Variants in SVOP observed in about 807,000 individuals in gnomAD.
SVOP encodes the protein SV2 related protein.
Under a neutral mutation model 69.1 loss-of-function variants are expected in SVOP, and 17 were observed. The observed-to-expected ratio is 0.25, with a 90% CI of 0.17 to 0.37. SVOP has a LOEUF of 0.37. SVOP is among the 10% of genes least tolerant of loss of function. The probability of loss-of-function intolerance (pLI) is 1.00; values close to 1 mark genes in which losing one functional copy is unlikely to be tolerated. For missense variants in SVOP, 435 were observed against 597.5 expected, an observed-to-expected ratio of 0.73 and a Z score of 2.84; for synonymous variants, 238 against 238.6, an observed-to-expected ratio of 1.00 and a Z score of 0.02.
intron 1 of SVOP, among the ~76,000 whole-genome samples, chr12:108,989,382 C>T (rs142263014): frequency 0.89 from 135,238 of 152,112 alleles, 61,242 homozygotes; most frequent in Non-Finnish European, 0.99. Context: ...AGTGAGATGG[C>T]GATGTTTGTG....
At chr12:108,984,378 A>C (rs1262388110) in intron 1 of SVOP, among the ~76,000 whole-genome samples, 1 of 152,170 alleles carries the variant, frequency 6.6e-6, no homozygotes, top group African/African-American at 2.4e-5. Flanking sequence ...TCTCTTGAAA[A>C]AGTAGAATAT....
intron 6 of SVOP, among the ~76,000 whole-genome samples, chr12:108,949,670 A>C (rs2039943841): frequency 2.0e-5 from 3 of 148,086 alleles, no homozygotes; most frequent in African/African-American, 2.5e-5. Flanking sequence ...CCTCTCTCCT[A>C]CCTTTTCCTC....
intron 5 of SVOP, among the ~76,000 whole-genome samples, chr12:108,966,939 T>TA (rs201649730): frequency 0.16 from 23,712 of 151,948 alleles, 2,221 homozygotes; most frequent in Middle Eastern, 0.26. Context: ...AGCTTGGCAG[T>TA]GGTATAATAA....
In SVOP at chr12:108,978,086, T is replaced by C. The variant is rs576966146; in HGVS notation, c.282+492A>G. ...CAGCTTTTCCAATTAGGGGGGGAAA[T>C]GTTGTGGGGAAATTGACGATCCATT... On this transcript the variant is annotated intron_variant, in intron 3 of 15. Coordinates refer to ENST00000610966, the MANE Select transcript of SVOP (RefSeq NM_018711.5). 1.1e-4 allele frequency among the ~76,000 whole-genome samples: 16 copies of C among 152,136 alleles called. 1 individual carries two copies. The South Asian group carries it at 3.3e-3, about 32-fold the overall frequency.
At chr12:108,991,442 C>CTTGTTTGTTTGT (rs370214885) in intron 1 of SVOP, among the ~76,000 whole-genome samples, 122 of 14,026 alleles carry the variant, frequency 8.7e-3, no homozygotes, top group East Asian at 0.018. Context: ...TCGGGTTTTG[C>CTTGTTTGTTTGT]TTGTTTGTTT....
intron 6 of SVOP, among the ~76,000 whole-genome samples, chr12:108,946,378 G>C (rs1170416739): frequency 3.3e-5 from 5 of 152,030 alleles, no homozygotes; most frequent in African/African-American, 1.2e-4. Context: ...AGGATTACAG[G>C]CATGAGCCAC....
chr12:108,952,928 C>A (rs1032920440), intron 6 of SVOP, among the ~76,000 whole-genome samples: 16 of 152,102 alleles, frequency 1.1e-4, no homozygotes, highest in Non-Finnish European at 2.2e-4. Flanking sequence ...GTTTTCACAT[C>A]TGTCATACGG....
intron 1 of SVOP, among the ~76,000 whole-genome samples, chr12:108,993,873 CG>C (rs2040216983): frequency 1.3e-5 from 2 of 152,142 alleles, no homozygotes; most frequent in South Asian, 4.1e-4. Context: ...AGGACATGAA[CG>C]TTTGCGTGCA....
At chr12:108,933,054 C>T (rs1029505262) in intron 11 of SVOP, among the ~76,000 whole-genome samples, 15 of 151,912 alleles carry the variant, frequency 9.9e-5, no homozygotes, top group African/African-American at 3.6e-4. Context: ...AATTTTTGTA[C>T]TTATAGTGTA....
chr12:109,000,141 C>T (rs906728443), intron 1 of SVOP, among the ~76,000 whole-genome samples: 49 of 152,154 alleles, frequency 3.2e-4, no homozygotes, highest in African/African-American at 1.2e-3. Flanking sequence ...CAGCACCGAT[C>T]CCACAGAAAT....
intron 5 of SVOP, among the ~76,000 whole-genome samples, chr12:108,970,286 T>C (rs148551387): frequency 0.69 from 104,712 of 151,780 alleles, 36,654 homozygotes; most frequent in South Asian, 0.79. Flanking sequence ...CAAGACCTGA[T>C]TCTGTGATGA....
rs2039689916 is a variant in SVOP, at chr12:108,912,441, T to TAAGACCAA, written c.*93_*94insTTGGTCTT. On this transcript the variant is annotated 3_prime_UTR_variant, in exon 16 of 16. Coordinates refer to ENST00000610966, the MANE Select transcript of SVOP (RefSeq NM_018711.5). ...CCAGGTCATACTCTTGGGTGAGTTC[T>TAAGACCAA]TGATGTCGGCAGTGACAATCAGTGC... is the stretch of plus-strand genomic sequence containing the variant. 1 of 1,578,034 alleles carries TAAGACCAA rather than the reference T, an allele frequency of 6.3e-7. No individual in the cohort carries two copies.
intron 11 of SVOP, among the ~76,000 whole-genome samples, chr12:108,933,229 T>A (rs1334697871): frequency 2.0e-5 from 3 of 152,242 alleles, no homozygotes; most frequent in Non-Finnish European, 4.4e-5. Flanking sequence ...TAAATTTAAC[T>A]AACATGCTAT....
chr12:108,919,920 A>G, intron 12 of SVOP, 134 bp from the exon 13 acceptor site: 1 of 596,090 alleles, frequency 1.7e-6, no homozygotes, highest in Non-Finnish European at 3.0e-6. Context: ...AATGACTAGA[A>G]GACAGCAAAA....
intron 5 of SVOP, among the ~76,000 whole-genome samples, chr12:108,968,710 AGTGTGTGT>A (rs370262601): frequency 0.065 from 9,741 of 149,602 alleles, 368 homozygotes; most frequent in Middle Eastern, 0.16. Context: ...GGATTCCTGA[AGTGTGTGT>A]GTGTGTGTGT....
intron 5 of SVOP, among the ~76,000 whole-genome samples, chr12:108,962,986 A>G (rs1177717911): frequency 6.6e-6 from 1 of 152,138 alleles, no homozygotes; most frequent in Non-Finnish European, 1.5e-5. Flanking sequence ...AAACAAAACA[A>G]AAAAGACAAA....
intron 1 of SVOP, among the ~76,000 whole-genome samples, chr12:108,997,252 C>T (rs563168352): frequency 2.3e-4 from 34 of 149,698 alleles, no homozygotes; most frequent in South Asian, 8.5e-4. Context: ...GCTTTTCAGA[C>T]CGGCTTAAAA....
chr12:108,945,057 G>A (rs1032930994), intron 7 of SVOP, 46 bp downstream of exon 7: 2 of 1,518,704 alleles, frequency 1.3e-6, no homozygotes, highest in Non-Finnish European at 1.8e-6. Context: ...AGAACCTCCT[G>A]CCGGAATCCA....
rs761591937 is a variant in SVOP at position 108,912,580 on chromosome 12, C to T, written c.1602G>A (p.Met534Ile). The T allele has an allele frequency of 8.7e-6, 14 of 1,613,738 alleles. No homozygotes were observed. In the South Asian group the frequency reaches 1.5e-4, roughly 18 times the overall value. Reference protein sequence around the residue: ...EWGQEMVGRGMHGAGVTRSNS... With the variant: ...EWGQEMVGRGIHGAGVTRSNS... ...TCGACCTGGTAACACCTGCACCGTG[C>T]ATTCCTCGGCCGACCATCTCCTGGC... The change falls in exon 16 of 16, where the codon ATG becomes ATA. Residue 534 changes from methionine to isoleucine, a missense_variant. By Grantham distance (10) the Met-to-Ile change is conservative. Coordinates refer to ENST00000610966, the MANE Select transcript of SVOP (RefSeq NM_018711.5).
Sources: gnomAD v4.1 joint callset for allele counts (sites outside exome capture counted in the v4.1 genomes callset) on GRCh38, gnomAD v4.1.1 for gene constraint, MANE v1.5 for transcripts, NCBI Gene and HGNC (gene_info 2026-07-23, HGNC 2026-07-21) for gene names.